Variants in THADA observed in about 807,000 individuals in gnomAD.
THADA encodes THADA armadillo repeat containing.
A neutral mutation model predicts 219.8 loss-of-function variants in THADA; 213 were observed. The observed-to-expected ratio is 0.97, with a 90% CI of 0.87 to 1.09. The LOEUF (loss-of-function observed/expected upper bound fraction) is 1.09, where lower values mean the gene tolerates loss of function less well. Ranked by LOEUF, THADA falls within the 50% of genes least tolerant of loss-of-function variation. THADA has a pLI of 0.00. For missense variants in THADA, 2,956 were observed against 2,311.3 expected (o/e 1.28, Z -5.72); for synonymous variants, 1,018 against 828.9 (o/e 1.23, Z -3.92).
chr2:43,327,979 C>T (rs1024669255), intron 30 of THADA, among the ~76,000 whole-genome samples: 4 of 152,162 alleles, frequency 2.6e-5, no homozygotes, highest in Non-Finnish European at 5.9e-5. Context: ...CAGATACTGC[C>T]TCTCCTTATA....
At chr2:43,299,240 T>C (rs1487904544) in intron 31 of THADA, among the ~76,000 whole-genome samples, 1 of 151,076 alleles carries the variant, frequency 6.6e-6, no homozygotes. Context: ...GCATTTTGGA[T>C]AAAGGAAGCT....
chr2:43,368,823 C>T (rs1166021159), intron 29 of THADA, among the ~76,000 whole-genome samples: 1 of 152,130 alleles, frequency 6.6e-6, no homozygotes, highest in Admixed American at 6.6e-5. Context: ...TCTCCAGTCC[C>T]CCAACATCTA....
chr2:43,555,826 A>G (rs1574239563), intron 17 of THADA, among the ~76,000 whole-genome samples: 2 of 152,332 alleles, frequency 1.3e-5, no homozygotes, highest in South Asian at 4.1e-4. Flanking sequence ...ACAATTCTAA[A>G]ATGAAGACTG....
intron 30 of THADA, among the ~76,000 whole-genome samples, chr2:43,328,705 A>T (rs1457071389): frequency 6.6e-6 from 1 of 152,152 alleles, no homozygotes; most frequent in Non-Finnish European, 1.5e-5. Context: ...AGAGGGCCTT[A>T]CCCACTCCTA....
At chr2:43,317,883 T>A (rs1678255254) in intron 31 of THADA, among the ~76,000 whole-genome samples, 1 of 152,248 alleles carries the variant, frequency 6.6e-6, no homozygotes, top group African/African-American at 2.4e-5. Flanking sequence ...AACAGCCACA[T>A]TCTTCATCAT....
At chr2:43,450,228 C>T (rs1009516386) in intron 26 of THADA, among the ~76,000 whole-genome samples, 1 of 151,968 alleles carries the variant, frequency 6.6e-6, no homozygotes, top group African/African-American at 2.4e-5. Flanking sequence ...AGATTAAAAA[C>T]CAGTATTATT....
intron 16 of THADA, among the ~76,000 whole-genome samples, chr2:43,559,446 C>T (rs76922218): frequency 0.033 from 5,002 of 152,268 alleles, 102 homozygotes; most frequent in Middle Eastern, 0.085. Flanking sequence ...AGCTGAACAA[C>T]CACAGCCTAG....
chr2:43,281,347 T>A (rs1174058607), intron 35 of THADA, among the ~76,000 whole-genome samples: 2 of 152,180 alleles, frequency 1.3e-5, no homozygotes, highest in African/African-American at 4.8e-5. Flanking sequence ...TGGTCATCAT[T>A]TATATCCTTC....
Position 43,231,292 on chromosome 2 carries a change from T to G in THADA, c.5518A>C (p.Thr1840Pro). The G allele has an allele frequency of 6.3e-7, 1 of 1,586,378 alleles. No homozygotes were observed. The highest frequency in any genetic ancestry group is 8.5e-7 in the Non-Finnish European group (1 of 1,170,198). Residue 1840 changes from threonine (T) to proline (P), a missense_variant, in exon 38 of 38, where the codon ACC becomes CCC. Transcript: ENST00000405975. ...EKAEVNFWAE[T>P]LIFVKYLCKH... ...CAGAGGTATTTCACAAAGATCAGGG[T>G]CTCGGCCCAAAAGTTGACTTCTGCT...
chr2:43,310,216 T>G (rs889160785), intron 31 of THADA, among the ~76,000 whole-genome samples: 2 of 14,516 alleles, frequency 1.4e-4, no homozygotes, highest in Admixed American at 5.2e-4. Flanking sequence ...CCTCCCTCCC[T>G]CCCTTTCCCG....
At chr2:43,503,256 G>A (rs1031687699) in intron 24 of THADA, among the ~76,000 whole-genome samples, 1 of 152,202 alleles carries the variant, frequency 6.6e-6, no homozygotes, top group Non-Finnish European at 1.5e-5. Context: ...AGACACACAA[G>A]AATGTTTGTT....
At chr2:43,543,602 G>C (rs950042906) in intron 20 of THADA, among the ~76,000 whole-genome samples, 5 of 152,062 alleles carry the variant, frequency 3.3e-5, no homozygotes, top group Non-Finnish European at 5.9e-5. Context: ...TTGTGGTTTT[G>C]ATTTGCATTT....
rs1377090512 is a variant in THADA, at chr2:43,431,693, C to T, written c.3837-1391G>A. On this transcript the variant is annotated intron_variant, in intron 26 of 37. Coordinates refer to ENST00000405975, the MANE Select transcript of THADA (RefSeq NM_022065.5). The stretch of plus-strand genomic sequence containing the variant: ...TTTTTTTTTTTTTTTGAGACGGAGT[C>T]TCGCTCTGTCGCCCAGGCTGGAATG... 2.3e-3 allele frequency among the ~76,000 whole-genome samples: 89 copies of T among 38,426 alleles called. 4 individuals carry two copies. Among genetic ancestry groups the T allele is most frequent in the African/African-American group, 8.9e-3 (56 of 6,308 alleles). 25.2% of individuals were successfully genotyped at this position (38,426 alleles called of 152,430 possible).
chr2:43,473,617 G>C (rs1183744932), intron 26 of THADA, among the ~76,000 whole-genome samples: 2 of 151,760 alleles, frequency 1.3e-5, no homozygotes, highest in Non-Finnish European at 2.9e-5. Context: ...TACATGTTAG[G>C]CTTTTTTTTT....
chr2:43,528,791 A>AT (rs964392722), intron 21 of THADA, among the ~76,000 whole-genome samples: 28 of 151,920 alleles, frequency 1.8e-4, no homozygotes, highest in African/African-American at 5.6e-4. Flanking sequence ...TTCTTTTAAA[A>AT]TTTTTTTTCT....
chr2:43,443,984 G>C (rs983758739), intron 26 of THADA, among the ~76,000 whole-genome samples: 3 of 152,152 alleles, frequency 2.0e-5, no homozygotes, highest in African/African-American at 7.2e-5. Flanking sequence ...GGACAAAACA[G>C]GTCAGCAACA....
intron 22 of THADA, among the ~76,000 whole-genome samples, chr2:43,517,592 G>A (rs998392135): frequency 6.6e-6 from 1 of 152,218 alleles, no homozygotes; most frequent in East Asian, 1.9e-4. Flanking sequence ...TCTGGGAACA[G>A]AAACTTTATG....
intron 34 of THADA, among the ~76,000 whole-genome samples, chr2:43,290,251 T>C (rs1674531644): frequency 6.6e-6 from 1 of 151,774 alleles, no homozygotes; most frequent in Non-Finnish European, 1.5e-5. Flanking sequence ...GGATTACAGG[T>C]GTGAACCACC....
intron 36 of THADA, among the ~76,000 whole-genome samples, chr2:43,270,003 G>A (rs1203206867): frequency 6.6e-6 from 1 of 152,156 alleles, no homozygotes; most frequent in East Asian, 1.9e-4. Context: ...TCTCAAGGCA[G>A]TGTTCCATCT....
Sources: gnomAD v4.1 joint callset for allele counts (sites outside exome capture counted in the v4.1 genomes callset) on GRCh38, gnomAD v4.1.1 for gene constraint, MANE v1.5 for transcripts, NCBI Gene and HGNC (gene_info 2026-07-23, HGNC 2026-07-21) for gene names.